The following BMPER variants were observed in gnomAD, a reference collection of about 807,000 sequenced individuals.
BMPER encodes the protein BMP-binding endothelial regulator protein.
A neutral mutation model predicts 87.3 loss-of-function variants in BMPER; 45 were observed. The observed-to-expected ratio is 0.52, with a 90% CI of 0.41 to 0.66. BMPER has a LOEUF of 0.66. Ranked by LOEUF, BMPER falls within the 30% of genes least tolerant of loss-of-function variation. The pLI, the probability that BMPER is intolerant of heterozygous loss-of-function variation, is 0.00. For synonymous variants in BMPER, 326 were observed against 316.2 expected (o/e 1.03, Z -0.33); for missense variants, 784 against 867.5 (o/e 0.90, Z 1.21).
chr7:33,911,020 A>G (rs1783947979), intron 2 of BMPER, among the ~76,000 whole-genome samples: 1 of 152,274 alleles, frequency 6.6e-6, no homozygotes, highest in Admixed American at 6.5e-5. Flanking sequence ...GAGAGAAGAT[A>G]TAAAGTAGAC....
intron 7 of BMPER, 61 bp from the exon 8 acceptor site, chr7:34,051,800 A>T (rs1303645759): frequency 1.1e-5 from 16 of 1,398,200 alleles, no homozygotes; most frequent in Non-Finnish European, 1.2e-5. Context: ...GGAATCACCG[A>T]TGACAAAATG....
At chr7:34,055,068 C>A in intron 8 of BMPER, 95 bp from the exon 9 acceptor site, 1 of 1,543,320 alleles carries the variant, frequency 6.5e-7, no homozygotes, top group Non-Finnish European at 9.0e-7. Context: ...CAGACTTTGA[C>A]ACAGATAGTT....
At chr7:34,080,673 T>C (rs1788989737) in intron 12 of BMPER, among the ~76,000 whole-genome samples, 1 of 152,186 alleles carries the variant, frequency 6.6e-6, no homozygotes, top group South Asian at 2.1e-4. Flanking sequence ...GACCCATTAT[T>C]ACACAGCACT....
intron 2 of BMPER, among the ~76,000 whole-genome samples, chr7:33,915,132 C>A (rs2128602809): frequency 6.6e-6 from 1 of 152,194 alleles, no homozygotes; most frequent in East Asian, 1.9e-4. Flanking sequence ...AAGATCTTAA[C>A]AAAAGTGAAT....
chr7:34,036,513 C>T (rs1424775659), intron 6 of BMPER, among the ~76,000 whole-genome samples: 1 of 152,116 alleles, frequency 6.6e-6, no homozygotes, highest in Non-Finnish European at 1.5e-5. Context: ...AGTTTCAGCT[C>T]AGTTAGCCCT....
In BMPER at chr7:33,930,694, C is replaced by T. The variant is rs1168256982; in HGVS notation, c.220-6595C>T. Among the ~76,000 whole-genome samples the T allele has an allele frequency of 3.3e-5, 5 of 152,284 alleles. No homozygotes were observed. In the East Asian group the frequency reaches 9.7e-4, roughly 29 times the overall value. ...CAGTGGCTCACAGCTATAATCCCAG[C>T]ACTTTGGGAGGCCGAGGTGGAGGAT... is the stretch of plus-strand genomic sequence containing the variant. On this transcript the variant is annotated intron_variant, in intron 2 of 14. Coordinates refer to ENST00000649409, the MANE Select transcript of BMPER (RefSeq NM_001365308.1).
At chr7:34,031,951 TAC>T (rs1205516937) in intron 6 of BMPER, among the ~76,000 whole-genome samples, 29 of 136,240 alleles carry the variant, frequency 2.1e-4, no homozygotes, top group Middle Eastern at 3.7e-3. Context: ...CACATATATA[TAC>T]ACACACACAT....
At chr7:33,913,769 G>T (rs1158309192) in intron 2 of BMPER, among the ~76,000 whole-genome samples, 1 of 152,194 alleles carries the variant, frequency 6.6e-6, no homozygotes, top group Non-Finnish European at 1.5e-5. Flanking sequence ...GGTGTCTCCA[G>T]AGCAGGGCAC....
intron 5 of BMPER, among the ~76,000 whole-genome samples, chr7:33,973,237 C>T (rs1157985252): frequency 2.6e-5 from 4 of 152,126 alleles, no homozygotes; most frequent in African/African-American, 9.7e-5. Context: ...GTGCTACAAA[C>T]CTGTATGAAA....
At chr7:34,111,304 T>C (rs1184647398) in intron 13 of BMPER, among the ~76,000 whole-genome samples, 2 of 152,258 alleles carry the variant, frequency 1.3e-5, no homozygotes, top group African/African-American at 4.8e-5. Flanking sequence ...GTTTTGCCCA[T>C]CAATGGCCCT....
At chr7:34,133,867 GA>G (rs1221903935) in intron 13 of BMPER, among the ~76,000 whole-genome samples, 1 of 152,088 alleles carries the variant, frequency 6.6e-6, no homozygotes, top group Admixed American at 6.5e-5. Context: ...GTGGAAGCAG[GA>G]AAAACAGTTT....
chr7:34,042,866 A>G (rs1244049013), intron 6 of BMPER: 4 of 152,146 alleles, frequency 2.6e-5, no homozygotes, highest in African/African-American at 4.8e-5. Flanking sequence ...ATGTGCCAAA[A>G]ATTATGTATT....
At chr7:34,116,784 G>GT (rs753148636) in intron 13 of BMPER, among the ~76,000 whole-genome samples, 2 of 152,166 alleles carry the variant, frequency 1.3e-5, no homozygotes, top group Non-Finnish European at 2.9e-5. Flanking sequence ...GAGGTCAGGA[G>GT]TTTGAGACCA....
chr7:33,999,313 C>T (rs184401301), intron 6 of BMPER, among the ~76,000 whole-genome samples: 1 of 152,232 alleles, frequency 6.6e-6, no homozygotes, highest in African/African-American at 2.4e-5. Context: ...GATCTTGCAG[C>T]TAGTTTAAAA....
chr7:34,044,285 T>C (rs1585770401), intron 6 of BMPER, among the ~76,000 whole-genome samples: 1 of 152,240 alleles, frequency 6.6e-6, no homozygotes, highest in African/African-American at 2.4e-5. Context: ...TGAGTTACTC[T>C]TTTGCAATTG....
chr7:34,012,418 C>A (rs1786907559), intron 6 of BMPER, among the ~76,000 whole-genome samples: 1 of 151,912 alleles, frequency 6.6e-6, no homozygotes, highest in South Asian at 2.1e-4. Context: ...GCAAATAGGT[C>A]TTAGTTAAGG....
chr7:34,034,379 A>G (rs1444649463), intron 6 of BMPER, among the ~76,000 whole-genome samples: 6 of 152,178 alleles, frequency 3.9e-5, no homozygotes, highest in Admixed American at 1.3e-4. Context: ...AGAAAGTCGG[A>G]GTTCATGATA....
chr7:33,905,365 A>AAG, upstream of BMPER: 1 of 429,644 alleles, frequency 2.3e-6, no homozygotes, highest in South Asian at 2.2e-5. Flanking sequence ...TCAGGAAAAA[A>AAG]AAAAAAAAAG....
At chr7:34,089,819 G>C (rs1052745304) in intron 13 of BMPER, among the ~76,000 whole-genome samples, 1 of 152,068 alleles carries the variant, frequency 6.6e-6, no homozygotes, top group East Asian at 1.9e-4. Flanking sequence ...TATTTATTTT[G>C]GTCTTTTATT....
Sources: allele counts gnomAD v4.1 joint callset (sites outside exome capture counted in the v4.1 genomes callset), GRCh38; gene constraint gnomAD v4.1.1; transcripts MANE v1.5; gene names NCBI Gene and HGNC (gene_info 2026-07-23, HGNC 2026-07-21).